The following DMPK variants were observed in gnomAD, a reference collection of about 807,000 sequenced individuals.
DMPK encodes myotonin-protein kinase.
In DMPK, 32 loss-of-function variants were observed where a neutral mutation model predicts 70.3. The observed-to-expected ratio is 0.46, with a 90% CI of 0.34 to 0.61. The LOEUF is 0.61. DMPK is among the 20% of genes least tolerant of loss of function. The probability of loss-of-function intolerance (pLI) is 0.01; values close to 1 mark genes in which losing one functional copy is unlikely to be tolerated. For missense variants in DMPK, 899 were observed against 886.0 expected (o/e 1.01, Z -0.19); for synonymous variants, 469 against 390.9 (o/e 1.20, Z -2.36).
In DMPK at chr19:45,777,054, T is replaced by C. The variant is rs901851047; in HGVS notation, c.1146+273A>G. Reference sequence around the variant, plus strand: ...CCACTCCAGAAAGCCCTCCAGGACCTTCCTTGCTGAGTCAGGAGTCCCCCA... The same window carrying C: ...CCACTCCAGAAAGCCCTCCAGGACCCTCCTTGCTGAGTCAGGAGTCCCCCA... On this transcript the variant is annotated intron_variant, in intron 8 of 14. Coordinates refer to ENST00000291270, the MANE Select transcript of DMPK (RefSeq NM_004409.5). This position sits in a 1 kb window ranked among gnomAD's most constrained non-coding sequence, Gnocchi z 6.7. 4.7e-6 allele frequency: 2 copies of C among 422,116 alleles called. No homozygotes were observed. Among genetic ancestry groups the C allele is most frequent in the Non-Finnish European group, 8.3e-6 (2 of 241,342 alleles). The allele number at this position is 422,116 out of a possible 1,614,324, so 26.1% of individuals were successfully genotyped here. A position where few individuals can be genotyped will look rare whatever the true frequency, so the allele number is the denominator to read the frequency against.
intron 13 of DMPK, 109 bp from the exon 14 acceptor site, chr19:45,771,169 C>T: frequency 8.5e-7 from 1 of 1,180,606 alleles, no homozygotes; most frequent in Non-Finnish European, 1.2e-6. Flanking sequence ...TAGGGAGATC[C>T]CGGAGGGAAT....
rs993577889 is a variant in DMPK at position 45,778,110 on chromosome 19, C to T, written c.675+17G>A. The T allele has an allele frequency of 6.3e-7, 1 of 1,598,400 alleles. No individual in the cohort carries two copies. The highest frequency in any genetic ancestry group is 8.5e-7 in the Non-Finnish European group (1 of 1,170,488). On this transcript the variant is annotated intron_variant, in intron 6 of 14. Transcript: ENST00000291270. Reference sequence around the variant, plus strand: ...ATCAGCAGCCCCAGTTGCTCTGTGGCCAGGGCACTGGCTCACCGTTCCATC... The same window carrying T: ...ATCAGCAGCCCCAGTTGCTCTGTGGTCAGGGCACTGGCTCACCGTTCCATC...
At chr19:45,771,141 G>C in intron 13 of DMPK, 81 bp from the exon 14 acceptor site, 4 of 1,229,296 alleles carry the variant, frequency 3.3e-6, no homozygotes, top group Non-Finnish European at 4.5e-6. Flanking sequence ...GAGGGGAATC[G>C]AGGTTGGGGA....
chr19:45,773,492 AAAAC>A (rs1158390412), intron 9 of DMPK, among the ~76,000 whole-genome samples: 1 of 152,224 alleles, frequency 6.6e-6, no homozygotes, highest in Non-Finnish European at 1.5e-5. Context: ...GAAGGGGAAA[AAAAC>A]AAACCAAAAA....
chr19:45,781,806 C>G (rs770198290), intron 1 of DMPK, among the ~76,000 whole-genome samples: 11 of 152,202 alleles, frequency 7.2e-5, no homozygotes, highest in Non-Finnish European at 1.6e-4. Flanking sequence ...CACAGGAAAC[C>G]AGGGGAGAGG....
chr19:45,776,951 C>T (rs1467747869), intron 8 of DMPK: 4 of 204,928 alleles, frequency 2.0e-5, no homozygotes, highest in East Asian at 1.2e-4. Flanking sequence ...GCTTGTTACA[C>T]GGTGAAGAGA....
intron 8 of DMPK, 178 bp from the exon 9 acceptor site, chr19:45,775,212 G>A (rs1413691063): frequency 3.5e-6 from 2 of 567,052 alleles, no homozygotes; most frequent in Non-Finnish European, 6.3e-6. Flanking sequence ...CTGTTACCCA[G>A]GCTGGAGTGC....
Position 45,769,750 on chromosome 19 carries a change from G to A in DMPK, c.*738C>T, listed in dbSNP as rs781598054. 1 of 164,344 alleles carries A rather than the reference G, an allele frequency of 6.1e-6. No homozygotes were observed. The highest frequency in any genetic ancestry group is 2.5e-5 in the African/African-American group (1 of 39,822). The allele number at this position is 164,344 out of a possible 1,614,324, so 10.2% of individuals were successfully genotyped here. A position where few individuals can be genotyped will look rare whatever the true frequency, so the allele number is the denominator to read the frequency against. ...GATGGAGGGCCTTTTATTCGCGAGG[G>A]TCGGGGGTGGGGGTCCTAGGTGGGG... On this transcript the variant is annotated 3_prime_UTR_variant, in exon 15 of 15. Transcript: ENST00000291270.
chr19:45,770,911 C>T, intron 14 of DMPK, 60 bp downstream of exon 14: 1 of 1,248,080 alleles, frequency 8.0e-7, no homozygotes, highest in Non-Finnish European at 1.1e-6. Flanking sequence ...AAGCGGGTGG[C>T]AAGGGGCGGG....
chr19:45,775,102 C>T, intron 8 of DMPK, 68 bp from the exon 9 acceptor site: 1 of 1,277,092 alleles, frequency 7.8e-7, no homozygotes, highest in Non-Finnish European at 1.1e-6. Context: ...TTGATCTTGG[C>T]TTACATGTTC....
chr19:45,772,575 C>G, intron 10 of DMPK, 66 bp downstream of exon 10: 1 of 1,084,572 alleles, frequency 9.2e-7, no homozygotes, highest in Non-Finnish European at 1.3e-6. Flanking sequence ...TGCACGCCAC[C>G]CGGGAAGCCC....
At chr19:45,775,170 TTTTTTC>T in intron 8 of DMPK, 136 bp from the exon 9 acceptor site, 1 of 657,308 alleles carries the variant, frequency 1.5e-6, no homozygotes, top group East Asian at 2.8e-5. Flanking sequence ...GCATTTTTTC[TTTTTTC>T]TTTTTCTTTG....
At chr19:45,774,407 G>GC (rs1260848305) in intron 9 of DMPK, among the ~76,000 whole-genome samples, 1 of 151,616 alleles carries the variant, frequency 6.6e-6, no homozygotes, top group Admixed American at 6.6e-5. Flanking sequence ...GACCGCAAGC[G>GC]CCCGCCACCA....
chr19:45,772,582 G>T, intron 10 of DMPK, 59 bp downstream of exon 10: 4 of 1,159,664 alleles, frequency 3.4e-6, no homozygotes, highest in Non-Finnish European at 4.9e-6. Context: ...CACCCGGGAA[G>T]CCCTCACCTT....
At position 45,782,306 on chromosome 19, in the gene DMPK, T is replaced by C; in HGVS notation, c.47A>G (p.Asp16Gly). 1.3e-6 allele frequency: 2 copies of C among 1,592,086 alleles called. No individual in the cohort carries two copies. The highest frequency in any genetic ancestry group is 1.7e-6 in the Non-Finnish European group (2 of 1,170,550). ...GGGCTCCAGCCCCAGGAAGCCCGGG[T>C]CCAACACCAGCTGCTGGAGCCGCCT... ...RLRRLQQLVL[D>G]PGFLGLEPLL... Residue 16 changes from aspartate to glycine, a missense_variant, in exon 1 of 15, where the codon GAC (aspartate) becomes GGC (glycine). Asp to Gly is a moderately conservative substitution (Grantham distance 94). Transcript: ENST00000291270.
chr19:45,779,555 G>C lies in DMPK; in HGVS notation c.253-33C>G, dbSNP rs750794715. Reference sequence around the variant, plus strand: ...CGAGATAGTGAGACAGAGTGGAGACGGCGGGAAAACAAAAGGGCTCGCCCA... The same window carrying C: ...CGAGATAGTGAGACAGAGTGGAGACCGCGGGAAAACAAAAGGGCTCGCCCA... On this transcript the variant is annotated intron_variant, in intron 2 of 14. Transcript: ENST00000291270. The C allele has an allele frequency of 5.6e-6, 9 of 1,612,510 alleles. No individual in the cohort carries two copies. In the Admixed American group the frequency reaches 1.0e-4, roughly 18 times the overall value.
rs1312481231 is a variant in DMPK at position 45,777,624 on chromosome 19, G to A, written c.883-34C>T. 1 of 1,613,056 alleles carries A rather than the reference G, an allele frequency of 6.2e-7. No homozygotes were observed. The highest frequency in any genetic ancestry group is 8.5e-7 in the Non-Finnish European group (1 of 1,179,578). ...AGGGAGAGGAGGCGATAGCCTGGGA[G>A]CGCCTACCGGGAGAGGCCAGGTCTC... On this transcript the variant is annotated intron_variant, in intron 7 of 14. Transcript: ENST00000291270. The surrounding 1 kb of genome is among the most constrained non-coding windows in gnomAD (Gnocchi z 6.7).
In DMPK at chr19:45,769,975, T is replaced by G; in HGVS notation, c.*513A>C. On this transcript the variant is annotated 3_prime_UTR_variant, in exon 15 of 15. Coordinates refer to ENST00000291270, the MANE Select transcript of DMPK (RefSeq NM_004409.5). Reference sequence around the variant, plus strand: ...GGCGCGGGATCCCCGAAAAAGCGGGTTTGGCAAAAGCAAATTTCCCGAGTA... The same window carrying G: ...GGCGCGGGATCCCCGAAAAAGCGGGGTTGGCAAAAGCAAATTTCCCGAGTA... 2 of 291,172 alleles carry G rather than the reference T, an allele frequency of 6.9e-6. No homozygotes were observed. Among genetic ancestry groups the G allele is most frequent in the Admixed American group, 4.7e-5 (1 of 21,266 alleles). 18.0% of individuals were successfully genotyped at this position (291,172 alleles called of 1,614,324 possible). A position where few individuals can be genotyped will look rare whatever the true frequency, so the allele number is the denominator to read the frequency against.
At chr19:45,772,477 TAC>T (rs1161080714) in intron 10 of DMPK, 162 bp downstream of exon 10, 3 of 523,612 alleles carry the variant, frequency 5.7e-6, no homozygotes, top group South Asian at 2.6e-5. Context: ...CCACTGTAAC[TAC>T]AGAGACCGTC....
Sources: gnomAD v4.1 joint callset for allele counts (sites outside exome capture counted in the v4.1 genomes callset) on GRCh38, gnomAD v4.1.1 for gene constraint, Gnocchi (gnomAD v3.1) non-coding constraint, MANE v1.5 for transcripts, NCBI Gene and HGNC (gene_info 2026-07-23, HGNC 2026-07-21) for gene names.